The following MTG1 variants were observed in gnomAD, a reference collection of about 807,000 sequenced individuals.
The protein encoded by MTG1 is mitochondrial ribosome associated GTPase 1, also known as mitochondrial ribosome-associated GTPase 1.
MTG1 carries 30 observed loss-of-function variants against 39.5 expected under a neutral mutation model. The observed-to-expected ratio is 0.76, with a 90% CI of 0.57 to 1.03. The LOEUF is 1.03. Ranked by LOEUF, MTG1 falls within the 50% of genes least tolerant of loss-of-function variation. The pLI is 0.00. For missense variants in MTG1, 513 were observed against 447.4 expected, an observed-to-expected ratio of 1.15 and a Z score of -1.32; for synonymous variants, 217 against 179.0, an observed-to-expected ratio of 1.21 and a Z score of -1.69.
chr10:133,399,842 C>G, intron 6 of MTG1: 1 of 482,722 alleles, frequency 2.1e-6, no homozygotes, highest in Non-Finnish European at 3.7e-6. Context: ...ATTTTTCTCT[C>G]TTTTAAAATC....
rs558819520 is a variant in MTG1, at chr10:133,414,200, C to T, written c.753-5280C>T. Among the ~76,000 whole-genome samples the T allele has an allele frequency of 3.3e-5, 5 of 150,946 alleles. No homozygotes were observed. The South Asian group carries it at 1.1e-3, about 32-fold the overall frequency. On this transcript the variant is annotated intron_variant, in intron 9 of 10. Transcript: ENST00000317502. ...TAATCCATTTAACCCTGAGTGGACA[C>T]AGCACATGTTTCAGAGAGCACAGGG...
intron 9 of MTG1, among the ~76,000 whole-genome samples, chr10:133,405,957 G>A (rs1314775801): frequency 6.6e-6 from 1 of 152,188 alleles, no homozygotes; most frequent in Non-Finnish European, 1.5e-5. Flanking sequence ...CACCAACAGT[G>A]TACGACAGCT....
At chr10:133,400,568 T>C (rs1234271325) in intron 6 of MTG1, among the ~76,000 whole-genome samples, 1 of 152,254 alleles carries the variant, frequency 6.6e-6, no homozygotes, top group African/African-American at 2.4e-5. Context: ...TGAACTGTTA[T>C]TTTACAGAGA....
rs535621687 is a variant in MTG1, at chr10:133,400,763, C to A, written c.512-766C>A. On this transcript the variant is annotated intron_variant, in intron 6 of 10. Coordinates refer to ENST00000317502, the MANE Select transcript of MTG1 (RefSeq NM_138384.4). The stretch of plus-strand genomic sequence containing the variant: ...CTGTAAATACAAAGAGTCACTCCCC[C>A]AGCCTCCTACACCCCTCGTTCCACT... Among the ~76,000 whole-genome samples the A allele has an allele frequency of 9.8e-5, 15 of 152,318 alleles. No homozygotes were observed. The East Asian group carries it at 2.9e-3, about 29-fold the overall frequency.
chr10:133,397,679 T>G (rs183960688), intron 3 of MTG1, among the ~76,000 whole-genome samples: 20 of 151,788 alleles, frequency 1.3e-4, no homozygotes, highest in Middle Eastern at 3.2e-3. Context: ...GGGGTTTCAC[T>G]GTGTTAGCCA....
intron 9 of MTG1, among the ~76,000 whole-genome samples, chr10:133,417,986 G>A (rs1010799750): frequency 2.0e-5 from 3 of 152,140 alleles, no homozygotes; most frequent in Non-Finnish European, 2.9e-5. Flanking sequence ...TCCCCATCAA[G>A]CTACCAATGA....
At chr10:133,401,294 G>A in intron 6 of MTG1, 4 of 447,466 alleles carry the variant, frequency 8.9e-6, no homozygotes, top group East Asian at 7.9e-5. Context: ...CTGTGAGCTG[G>A]TTTGTGACTG....
At chr10:133,413,763 A>G (rs554596241) in intron 9 of MTG1, among the ~76,000 whole-genome samples, 120 of 152,264 alleles carry the variant, frequency 7.9e-4, no homozygotes, top group Non-Finnish European at 1.6e-3. Context: ...TCATCATGAT[A>G]TATTTTACCT....
chr10:133,401,424 C>G (rs1589911128), intron 6 of MTG1, 105 bp from the exon 7 acceptor site: 1 of 927,812 alleles, frequency 1.1e-6, no homozygotes. Flanking sequence ...TACATAGTCT[C>G]CCTGCTTGGC....
rs932675524 is a variant in MTG1 at position 133,394,199 on chromosome 10, C to T, written c.-22C>T. 3 of 1,496,452 alleles carry T rather than the reference C, an allele frequency of 2.0e-6. No homozygotes were observed. Among genetic ancestry groups the T allele is most frequent in the African/African-American group, 2.9e-5 (2 of 68,710 alleles). The allele number at this position is 1,496,452 out of a possible 1,614,324, so 92.7% of individuals were successfully genotyped here. On this transcript the variant is annotated 5_prime_UTR_variant, in exon 1 of 11. Transcript: ENST00000317502. ...GCGCAGAGGAGGTCAGCTGCGGGAGCGTTTCCGGGGACGGTGCCGCCATGA... is the reference window on the plus strand; with the variant it reads ...GCGCAGAGGAGGTCAGCTGCGGGAGTGTTTCCGGGGACGGTGCCGCCATGA...
At chr10:133,394,858 G>C (rs1849757176) in intron 1 of MTG1, 1 of 587,916 alleles carries the variant, frequency 1.7e-6, no homozygotes, top group Non-Finnish European at 2.1e-6. Context: ...AGCCCGTCTA[G>C]GTGTTGTGAT....
chr10:133,404,227 A>T lies in MTG1; in HGVS notation c.752+1454A>T, dbSNP rs142195671. Among the ~76,000 whole-genome samples the T allele has an allele frequency of 7.7e-3, 1,153 of 148,856 alleles. 8 individuals are homozygous for T. Among genetic ancestry groups the T allele is most frequent in the Middle Eastern group, 0.051 (14 of 274 alleles). The stretch of plus-strand genomic sequence containing the variant: ...ACTGCAGCCTGACCTCCTGGGCTCA[A>T]GCGATCCTCCCACTTCAGCCTCCCA... On this transcript the variant is annotated intron_variant, in intron 9 of 10. Coordinates refer to ENST00000317502, the MANE Select transcript of MTG1 (RefSeq NM_138384.4).
At chr10:133,409,378 T>C (rs1178455025) in intron 9 of MTG1, among the ~76,000 whole-genome samples, 1 of 152,262 alleles carries the variant, frequency 6.6e-6, no homozygotes, top group Non-Finnish European at 1.5e-5. Flanking sequence ...CTTTCTTGTT[T>C]TATTTCATCG....
rs551005414 is a variant in MTG1 at position 133,394,249 on chromosome 10, G to A, written c.29G>A (p.Ser10Asn). Reference protein sequence around the residue: MRLTPRALCSAAQAAWRENF... With the variant: MRLTPRALCNAAQAAWRENF... Reference sequence around the variant, plus strand: ...AGATTGACCCCGCGCGCGCTGTGCAGCGCCGCCCAGGCCGCCTGGCGGGAG... The same window carrying A: ...AGATTGACCCCGCGCGCGCTGTGCAACGCCGCCCAGGCCGCCTGGCGGGAG... The change falls in exon 1 of 11, where the codon AGC becomes AAC. Residue 10 changes from serine (S) to asparagine (N), a missense_variant. Coordinates refer to ENST00000317502, the MANE Select transcript of MTG1 (RefSeq NM_138384.4). 1 of 1,518,744 alleles carries A rather than the reference G, an allele frequency of 6.6e-7. No homozygotes were observed. Among genetic ancestry groups the A allele is most frequent in the South Asian group, 1.2e-5 (1 of 82,234 alleles). The allele number at this position is 1,518,744 out of a possible 1,614,324, so 94.1% of individuals were successfully genotyped here.
intron 9 of MTG1, among the ~76,000 whole-genome samples, chr10:133,409,007 AT>A (rs558142721): frequency 8.4e-4 from 118 of 141,248 alleles, no homozygotes; most frequent in Non-Finnish European, 1.5e-3. Flanking sequence ...GATCTTTGGT[AT>A]TTTTTTTTTC....
Position 133,399,586 on chromosome 10 carries a change from A to G in MTG1, c.478A>G (p.Ile160Val). Residue 160 changes from isoleucine (I) to valine (V), a missense_variant, in exon 6 of 11, where the codon ATC becomes GTC. Transcript: ENST00000317502. ...CCCCAACGTGGGCAAGTCCTCCCTC[A>G]TCAACTCCCTCCGGAGGCAGCACCT... is the stretch of plus-strand genomic sequence containing the variant. ...GVPNVGKSSL[I>V]NSLRRQHLRK... 6.2e-7 allele frequency: 1 copy of G among 1,614,144 alleles called. No individual in the cohort carries two copies. Among genetic ancestry groups the G allele is most frequent in the Non-Finnish European group, 8.5e-7 (1 of 1,180,016 alleles).
rs1849885907 is a variant in MTG1 at position 133,402,094 on chromosome 10, C to T, written c.574-55C>T. ...GGCTGCCCAGGCTTCCTGAGTGGCC[C>T]ACCTGGGTGGGAGGCTGCCACCGCG... On this transcript the variant is annotated intron_variant, in intron 7 of 10. Coordinates refer to ENST00000317502, the MANE Select transcript of MTG1 (RefSeq NM_138384.4). This position sits in a 1 kb window ranked among gnomAD's most constrained non-coding sequence, Gnocchi z 4.7. 2 of 1,608,272 alleles carry T rather than the reference C, an allele frequency of 1.2e-6. No homozygotes were observed. The highest frequency in any genetic ancestry group is 1.7e-5 in the Admixed American group (1 of 59,970).
At chr10:133,398,339 G>A in intron 3 of MTG1, 96 bp from the exon 4 acceptor site, 1 of 1,212,824 alleles carries the variant, frequency 8.2e-7, no homozygotes, top group East Asian at 2.4e-5. Context: ...GGCGGAGGTT[G>A]CAGGGAGCCG....
chr10:133,396,506 G>T (rs1849785228), intron 3 of MTG1, among the ~76,000 whole-genome samples: 1 of 152,190 alleles, frequency 6.6e-6, no homozygotes, highest in African/African-American at 2.4e-5. Flanking sequence ...GTGGGAAGTG[G>T]CCAGGTTGTG....
Sources: gnomAD v4.1 joint callset for allele counts (sites outside exome capture counted in the v4.1 genomes callset) on GRCh38, gnomAD v4.1.1 for gene constraint, Gnocchi (gnomAD v3.1) non-coding constraint, MANE v1.5 for transcripts, NCBI Gene and HGNC (gene_info 2026-07-23, HGNC 2026-07-21) for gene names.